BCL6B: variants seen among roughly 807,000 people sequenced by gnomAD.
The protein encoded by BCL6B is BCL6B transcription repressor.
A neutral mutation model predicts 44.6 loss-of-function variants in BCL6B; 28 were observed. That is an observed-to-expected ratio of 0.63 (90% CI 0.47 to 0.86). BCL6B has a LOEUF of 0.86. Ranked by LOEUF, BCL6B falls within the 40% of genes least tolerant of loss-of-function variation. The pLI, the probability that BCL6B is intolerant of heterozygous loss-of-function variation, is 0.00. For missense variants in BCL6B, 626 were observed against 652.3 expected (o/e 0.96, Z 0.44); for synonymous variants, 268 against 263.6 (o/e 1.02, Z -0.16).
Position 7,024,054 on chromosome 17 carries a change from CCCAAAGGACTTATCTG to C in BCL6B, c.180-27_180-12del. 1 of 1,608,422 alleles carries C rather than the reference CCCAAAGGACTTATCTG, an allele frequency of 6.2e-7. No homozygotes were observed. Among genetic ancestry groups the C allele is most frequent in the South Asian group, 1.1e-5 (1 of 90,970 alleles). On this transcript the variant is annotated splice_polypyrimidine_tract_variant and intron_variant, in intron 2 of 8. Transcript: ENST00000293805. This position sits in a 1 kb window ranked among gnomAD's most constrained non-coding sequence, Gnocchi z 6.6. ...GCATGTCTCCCTTGGTTCCCCAGCC[CCCAAAGGACTTATCTG>C]CTCTCTCTCTAGTGGCTTCTTCTAT...
At chr17:7,025,439 G>T (rs1910259226) in intron 5 of BCL6B, among the ~76,000 whole-genome samples, 1 of 152,226 alleles carries the variant, frequency 6.6e-6, no homozygotes. Flanking sequence ...GAGCAGCAAA[G>T]TTTGAGAATT....
chr17:7,023,808 G>C lies in BCL6B; in HGVS notation c.137G>C (p.Gly46Ala), dbSNP rs760686208. Residue 46 changes from glycine to alanine, a missense_variant, in exon 2 of 9, where the codon GGG (glycine) becomes GCG (alanine). Physicochemically the swap from Gly to Ala is moderately conservative, Grantham distance 60 (BLOSUM62 0). Coordinates refer to ENST00000293805, the MANE Select transcript of BCL6B (RefSeq NM_181844.4). ...ILTDVTLLVG[G>A]QPLRAHKAVL... ...ACTGACGTCACGCTGCTGGTTGGCG[G>C]GCAACCCCTCAGAGCACACAAGGCA... 66 of 1,613,214 alleles carry C rather than the reference G, an allele frequency of 4.1e-5. 1 individual carries two copies. Among genetic ancestry groups the C allele is most frequent in the Non-Finnish European group, 5.5e-5 (65 of 1,180,002 alleles).
rs1474415882 is a variant in BCL6B, at chr17:7,023,725, T to TGGC, written c.54_55insGGC (p.Thr18_Arg19insGly). 1 of 1,613,064 alleles carries TGGC rather than the reference T, an allele frequency of 6.2e-7. No homozygotes were observed. On this transcript the variant is annotated inframe_insertion, in exon 2 of 9. Transcript: ENST00000293805. Reference sequence around the variant, plus strand: ...CGCTGGGCTACGTCCGCGAGTTCACTCGCCACTCCTCCGACGTGCTGGGCA... The same window carrying TGGC: ...CGCTGGGCTACGTCCGCGAGTTCACTGGCCGCCACTCCTCCGACGTGCTGGGCA...
chr17:7,027,508 C>A lies in BCL6B; in HGVS notation c.1329C>A (p.Asp443Glu). 11 of 1,613,884 alleles carry A rather than the reference C, an allele frequency of 6.8e-6. No individual in the cohort carries two copies. The highest frequency in any genetic ancestry group is 8.5e-6 in the Non-Finnish European group (10 of 1,180,006). The part of the protein sequence containing the change: ...IHTGEKPYHC[D>E]PCGLHFRHKS... ...ACTTGGCTGTCCTCCCACAGTGCGACCCCTGTGGCCTGCATTTCCGGCACA... is the reference window on the plus strand; with the variant it reads ...ACTTGGCTGTCCTCCCACAGTGCGAACCCTGTGGCCTGCATTTCCGGCACA... The change falls in exon 9 of 9, where the codon GAC becomes GAA. Residue 443 changes from aspartate (D) to glutamate (E), a missense_variant. Transcript: ENST00000293805.
At position 7,024,848 on chromosome 17, in the gene BCL6B, G is replaced by A; in HGVS notation, c.764+85G>A. On this transcript the variant is annotated intron_variant, in intron 4 of 8. Transcript: ENST00000293805. This position sits in a 1 kb window ranked among gnomAD's most constrained non-coding sequence, Gnocchi z 6.6. ...ATTGGGCCTTGATGGTCAGGAGGAAGGGAGATAGGTGGTGGGTTTCAGAGA... is the reference window on the plus strand; with the variant it reads ...ATTGGGCCTTGATGGTCAGGAGGAAAGGAGATAGGTGGTGGGTTTCAGAGA... 1.3e-6 allele frequency: 2 copies of A among 1,495,480 alleles called. No homozygotes were observed. Among genetic ancestry groups the A allele is most frequent in the Non-Finnish European group, 8.9e-7 (1 of 1,124,392 alleles). The allele number at this position is 1,495,480 out of a possible 1,614,324, so 92.6% of individuals were successfully genotyped here. A position where few individuals can be genotyped will look rare whatever the true frequency, so the allele number is the denominator to read the frequency against.
chr17:7,024,539 C>T lies in BCL6B; in HGVS notation c.540C>T (p.Gly180=). The stretch of plus-strand genomic sequence containing the variant: ...CTGAATCTCGAAGCTGCAGTCAAGG[C>T]CCCCCCAGTCCAGCCAGCCCTGACC... ...PPTESRSCSQ[G]PPSPASPDPK... Residue 180 remains glycine (G), a synonymous_variant, in exon 4 of 9, where the codon GGC becomes GGT. Transcript: ENST00000293805. This position sits in a 1 kb window ranked among gnomAD's most constrained non-coding sequence, Gnocchi z 6.6. The T allele has an allele frequency of 1.2e-6, 2 of 1,613,762 alleles. No homozygotes were observed. The highest frequency in any genetic ancestry group is 1.7e-6 in the Non-Finnish European group (2 of 1,179,914).
At position 7,026,740 on chromosome 17, in the gene BCL6B, C is replaced by G; in HGVS notation, c.1090C>G (p.Arg364Gly). ...TTACCACTGCTCAATCTGCGGAGCC[C>G]GTTTTAACCGGCCAGCAAACCTGAA... is the stretch of plus-strand genomic sequence containing the variant. ...KPYHCSICGA[R>G]FNRPANLKTH... The change falls in exon 7 of 9, where the codon CGT (arginine) becomes GGT (glycine). Residue 364 changes from arginine (R) to glycine (G), a missense_variant. Transcript: ENST00000293805. The G allele has an allele frequency of 6.2e-7, 1 of 1,614,224 alleles. No individual in the cohort carries two copies. The highest frequency in any genetic ancestry group is 8.5e-7 in the Non-Finnish European group (1 of 1,180,042).
At chr17:7,023,442 C>A in intron 1 of BCL6B, 1 of 553,816 alleles carries the variant, frequency 1.8e-6, no homozygotes, top group Non-Finnish European at 3.2e-6. Context: ...GTGGAACCTT[C>A]AACTGGCTCC....
chr17:7,024,049 CAGCCCCCAAAGG>C lies in BCL6B; in HGVS notation c.180-32_180-21del. On this transcript the variant is annotated intron_variant, in intron 2 of 8. Coordinates refer to ENST00000293805, the MANE Select transcript of BCL6B (RefSeq NM_181844.4). This position sits in a 1 kb window ranked among gnomAD's most constrained non-coding sequence, Gnocchi z 6.6. ...GCTGCGCATGTCTCCCTTGGTTCCC[CAGCCCCCAAAGG>C]ACTTATCTGCTCTCTCTCTAGTGGC... is the stretch of plus-strand genomic sequence containing the variant. 1.2e-6 allele frequency: 2 copies of C among 1,603,664 alleles called. No homozygotes were observed. The highest frequency in any genetic ancestry group is 1.7e-6 in the Non-Finnish European group (2 of 1,171,926).
Position 7,028,873 on chromosome 17 carries a change from C to T in BCL6B, c.*1254C>T. ...CTCTATTGAGTTGAGCCCCTTCTTC[C>T]TTTAGTGGGTTTTGGACATCTTCTG... On this transcript the variant is annotated 3_prime_UTR_variant, in exon 9 of 9. Coordinates refer to ENST00000293805, the MANE Select transcript of BCL6B (RefSeq NM_181844.4). 1 of 985,416 alleles carries T rather than the reference C, an allele frequency of 1.0e-6. No individual in the cohort carries two copies. The highest frequency in any genetic ancestry group is 1.2e-6 in the Non-Finnish European group (1 of 829,932). 61.0% of individuals were successfully genotyped at this position (985,416 alleles called of 1,614,324 possible). A position where few individuals can be genotyped will look rare whatever the true frequency, so the allele number is the denominator to read the frequency against.
Position 7,027,687 on chromosome 17 carries a change from C to T in BCL6B, c.*68C>T, listed in dbSNP as rs887979066. 1.2e-4 allele frequency: 187 copies of T among 1,601,610 alleles called. 7 individuals carry two copies. The South Asian group carries it at 2.0e-3, about 17-fold the overall frequency. ...AAGCTGCAGGCCCAGGCCTTGCTTC[C>T]CTATCAGGCTTGGGCATAGGGGTGT... On this transcript the variant is annotated 3_prime_UTR_variant, in exon 9 of 9. Transcript: ENST00000293805.
Position 7,028,001 on chromosome 17 carries a change from TG to T in BCL6B, c.*383del, listed in dbSNP as rs1910348898. 9.8e-7 allele frequency: 1 copy of T among 1,024,664 alleles called. No individual in the cohort carries two copies. Among genetic ancestry groups the T allele is most frequent in the Middle Eastern group, 4.9e-4 (1 of 2,044 alleles). The allele number at this position is 1,024,664 out of a possible 1,614,324, so 63.5% of individuals were successfully genotyped here. ...GGTGGCACCGGGGCCTTCATTCGAT[TG>T]CATTTCCCACTCCCCTCTTCCACAA... On this transcript the variant is annotated 3_prime_UTR_variant, in exon 9 of 9. Transcript: ENST00000293805.
chr17:7,028,187 A>C lies in BCL6B; in HGVS notation c.*568A>C. 1.0e-6 allele frequency: 1 copy of C among 985,610 alleles called. No homozygotes were observed. The highest frequency in any genetic ancestry group is 1.2e-6 in the Non-Finnish European group (1 of 830,186). 61.1% of individuals were successfully genotyped at this position (985,610 alleles called of 1,614,324 possible). ...TCTTTCTCCTGTTTGTTTGCTTGTT[A>C]GTTTGTTTAAAATGGAAAAAGGGGT... On this transcript the variant is annotated 3_prime_UTR_variant, in exon 9 of 9. Transcript: ENST00000293805.
In BCL6B at chr17:7,029,136, A is replaced by G. The variant is rs945678457; in HGVS notation, c.*1517A>G. 5.1e-6 allele frequency: 5 copies of G among 985,458 alleles called. No individual in the cohort carries two copies. Among genetic ancestry groups the G allele is most frequent in the Non-Finnish European group, 6.0e-6 (5 of 830,016 alleles). The allele number at this position is 985,458 out of a possible 1,614,324, so 61.0% of individuals were successfully genotyped here. ...ACAGATGTAAAAGATTGACTAGCCCATAGGCCAAAGGCCTGTTCTAGTTGA... is the reference window on the plus strand; with the variant it reads ...ACAGATGTAAAAGATTGACTAGCCCGTAGGCCAAAGGCCTGTTCTAGTTGA... On this transcript the variant is annotated 3_prime_UTR_variant, in exon 9 of 9. Coordinates refer to ENST00000293805, the MANE Select transcript of BCL6B (RefSeq NM_181844.4).
At position 7,026,509 on chromosome 17, in the gene BCL6B, G is replaced by C; in HGVS notation, c.942G>C (p.Ser314=). Residue 314 remains serine (S), a synonymous_variant, in exon 6 of 9, where the codon TCG becomes TCC. Coordinates refer to ENST00000293805, the MANE Select transcript of BCL6B (RefSeq NM_181844.4). ...QNCEAVAGCS[S]GLDSLVPGDE... is the part of the protein sequence containing the mutation. ...GTGAGGCTGTGGCAGGGTGCTCATC[G>C]GGGCTGGACTCCTTGGTTCCTGGGG... 5 of 1,614,158 alleles carry C rather than the reference G, an allele frequency of 3.1e-6. No homozygotes were observed. The Middle Eastern group carries it at 4.9e-4, about 160-fold the overall frequency.
intron 8 of BCL6B, 58 bp from the exon 9 acceptor site, chr17:7,027,445 C>T (rs1910329050): frequency 1.3e-6 from 2 of 1,597,130 alleles, no homozygotes; most frequent in Non-Finnish European, 1.7e-6. Context: ...CCGCCCGGCT[C>T]AACACCTAAA....
chr17:7,026,877 A>G (rs1379033865), intron 7 of BCL6B, 42 bp downstream of exon 7: 1 of 1,611,890 alleles, frequency 6.2e-7, no homozygotes, highest in Admixed American at 1.7e-5. Flanking sequence ...GCAAACCTGC[A>G]AGAGGTGGGG....
Position 7,026,967 on chromosome 17 carries a change from G to A in BCL6B, c.1203G>A (p.Ala401=), listed in dbSNP as rs748891591. 21 of 1,612,748 alleles carry A rather than the reference G, an allele frequency of 1.3e-5. No homozygotes were observed. The South Asian group carries it at 1.8e-4, about 13-fold the overall frequency. ...SRFVQVAHLR[A]HVLIHTGEKP... ...CCTCCCAGGTGGCACATCTGCGGGC[G>A]CACGTGCTGATCCACACCGGGGAGA... Residue 401 remains alanine, a synonymous_variant, in exon 8 of 9, where the codon GCG becomes GCA. Coordinates refer to ENST00000293805, the MANE Select transcript of BCL6B (RefSeq NM_181844.4).
rs1378789357 is a variant in BCL6B at position 7,024,409 on chromosome 17, C to G, written c.410C>G (p.Pro137Arg). 1 of 1,613,160 alleles carries G rather than the reference C, an allele frequency of 6.2e-7. No individual in the cohort carries two copies. The highest frequency in any genetic ancestry group is 1.3e-5 in the African/African-American group (1 of 74,844). The change falls in exon 4 of 9, where the codon CCT becomes CGT. Residue 137 changes from proline (P) to arginine (R), a missense_variant. Transcript: ENST00000293805. This position sits in a 1 kb window ranked among gnomAD's most constrained non-coding sequence, Gnocchi z 6.6. ...CHRFIQASYE[P>R]LGISLRPLEA... ...CATCACACTTTCCCCAGCTATGAAC[C>G]TCTGGGCATCTCCCTGCGCCCCCTG...
Sources: allele counts gnomAD v4.1 joint callset (sites outside exome capture counted in the v4.1 genomes callset), GRCh38; gene constraint gnomAD v4.1.1; non-coding constraint Gnocchi (gnomAD v3.1); transcripts MANE v1.5; gene names NCBI Gene and HGNC (gene_info 2026-07-23, HGNC 2026-07-21).